The following GRID1 variants were observed in gnomAD, a reference collection of about 807,000 sequenced individuals.
GRID1 encodes glutamate ionotropic receptor delta type subunit 1, also known as glutamate receptor ionotropic, delta-1.
Under a neutral mutation model 98.0 loss-of-function variants are expected in GRID1, and 28 were observed. The observed-to-expected ratio is 0.29, with a 90% CI of 0.21 to 0.39. The LOEUF (loss-of-function observed/expected upper bound fraction) is 0.39, where lower values mean the gene tolerates loss of function less well. Ranked by LOEUF, GRID1 falls within the 10% of genes least tolerant of loss-of-function variation. The pLI is 1.00. For synonymous variants in GRID1, 553 were observed against 538.5 expected (o/e 1.03, Z -0.37); for missense variants, 1,111 against 1,340.5 (o/e 0.83, Z 2.67).
rs3061904 is a variant in GRID1 at position 86,296,784 on chromosome 10, CACATACATACATACATACATACAT to C, written c.235+67133_235+67156del. ...ATACATACATACATGCATACATACA[CACATACATACATACATACATACAT>C]ACATACATACATACATACATACATA... is the stretch of plus-strand genomic sequence containing the variant. On this transcript the variant is annotated intron_variant, in intron 2 of 15. Coordinates refer to ENST00000327946, the MANE Select transcript of GRID1 (RefSeq NM_017551.3). Among the ~76,000 whole-genome samples, 21 of 150,722 alleles carry C rather than the reference CACATACATACATACATACATACAT, an allele frequency of 1.4e-4. 1 individual carries two copies. The highest frequency in any genetic ancestry group is 4.2e-4 in the South Asian group (2 of 4,716).
chr10:86,014,389 C>A (rs1842956294), intron 4 of GRID1, among the ~76,000 whole-genome samples: 1 of 152,204 alleles, frequency 6.6e-6, no homozygotes, highest in Non-Finnish European at 1.5e-5. Flanking sequence ...AGCCACCCAA[C>A]ATAGACTGGA....
chr10:86,086,566 C>T (rs192099716), intron 4 of GRID1, among the ~76,000 whole-genome samples: 2 of 152,200 alleles, frequency 1.3e-5, no homozygotes, highest in African/African-American at 4.8e-5. Flanking sequence ...TTCTGCAGAA[C>T]CCACAGGGGG....
intron 15 of GRID1, among the ~76,000 whole-genome samples, chr10:85,604,531 G>A (rs1842629315): frequency 6.6e-6 from 1 of 152,198 alleles, no homozygotes. Flanking sequence ...CCATCTCTGA[G>A]TTAGGGTCAC....
At chr10:86,142,637 A>G (rs1845026402) in intron 3 of GRID1, among the ~76,000 whole-genome samples, 1 of 152,242 alleles carries the variant, frequency 6.6e-6, no homozygotes, top group African/African-American at 2.4e-5. Context: ...AGGCCACTGC[A>G]AGTCTTTAAA....
chr10:86,282,591 G>A (rs552575468), intron 2 of GRID1, among the ~76,000 whole-genome samples: 3 of 152,168 alleles, frequency 2.0e-5, no homozygotes, highest in Non-Finnish European at 4.4e-5. Context: ...AGTAAAGAGC[G>A]ACCATGAGCA....
At chr10:86,308,581 T>A (rs981176023) in intron 2 of GRID1, among the ~76,000 whole-genome samples, 1 of 152,196 alleles carries the variant, frequency 6.6e-6, no homozygotes, top group Non-Finnish European at 1.5e-5. Flanking sequence ...ATGTATTAGG[T>A]CCAATGGGAA....
At chr10:86,069,395 TC>T (rs1391724204) in intron 4 of GRID1, among the ~76,000 whole-genome samples, 1 of 152,142 alleles carries the variant, frequency 6.6e-6, no homozygotes, top group African/African-American at 2.4e-5. Context: ...ACGCCTGTAA[TC>T]CCAGCACTTT....
chr10:86,067,552 G>A (rs973669581), intron 4 of GRID1, among the ~76,000 whole-genome samples: 5 of 152,188 alleles, frequency 3.3e-5, no homozygotes, highest in African/African-American at 1.2e-4. Context: ...AAAACTCTTG[G>A]GATAAAAGGT....
intron 2 of GRID1, among the ~76,000 whole-genome samples, chr10:86,354,958 C>T (rs186160031): frequency 4.6e-5 from 7 of 152,330 alleles, no homozygotes; most frequent in African/African-American, 7.2e-5. Context: ...ACATCTCCCC[C>T]GCCCTAAGTG....
chr10:86,170,725 A>G (rs1176220858), intron 3 of GRID1, among the ~76,000 whole-genome samples: 1 of 152,226 alleles, frequency 6.6e-6, no homozygotes, highest in African/African-American at 2.4e-5. Context: ...GACAACTGCT[A>G]ACATGTTTGG....
At chr10:85,903,513 C>G (rs2131817059) in intron 5 of GRID1, among the ~76,000 whole-genome samples, 1 of 152,262 alleles carries the variant, frequency 6.6e-6, no homozygotes. Context: ...TATTTCATCC[C>G]TACCCTCCTC....
intron 4 of GRID1, among the ~76,000 whole-genome samples, chr10:86,101,653 G>C (rs1379542178): frequency 7.3e-6 from 1 of 136,966 alleles, no homozygotes; most frequent in Admixed American, 7.4e-5. Context: ...TTTTTTTTGA[G>C]ACAGAGTCTC....
chr10:86,078,451 C>T (rs530133013), intron 4 of GRID1, among the ~76,000 whole-genome samples: 1 of 152,348 alleles, frequency 6.6e-6, no homozygotes, highest in East Asian at 1.9e-4. Flanking sequence ...GGGTGCTCCG[C>T]GGCCTGCAGC....
intron 12 of GRID1, among the ~76,000 whole-genome samples, chr10:85,669,564 G>A (rs1015768348): frequency 5.3e-5 from 8 of 152,070 alleles, no homozygotes; most frequent in Non-Finnish European, 8.8e-5. Flanking sequence ...CCCTGGCTCC[G>A]GACCCATTTT....
intron 12 of GRID1, among the ~76,000 whole-genome samples, chr10:85,707,663 C>T (rs1026792576): frequency 3.9e-5 from 6 of 152,110 alleles, no homozygotes; most frequent in Non-Finnish European, 7.3e-5. Context: ...CACATGCACA[C>T]GTAATTTTAT....
At chr10:85,636,736 G>GA (rs896408905) in intron 13 of GRID1, among the ~76,000 whole-genome samples, 14 of 151,924 alleles carry the variant, frequency 9.2e-5, no homozygotes, top group Admixed American at 6.6e-4. Flanking sequence ...AGGAGTTGAT[G>GA]AAAAAAAATC....
chr10:85,695,352 T>A (rs1444930628), intron 12 of GRID1, among the ~76,000 whole-genome samples: 1 of 152,140 alleles, frequency 6.6e-6, no homozygotes, highest in African/African-American at 2.4e-5. Flanking sequence ...ATCATGGGAG[T>A]TATACAACTT....
chr10:85,898,549 T>C (rs1589291835), intron 5 of GRID1, among the ~76,000 whole-genome samples: 1 of 152,216 alleles, frequency 6.6e-6, no homozygotes, highest in African/African-American at 2.4e-5. Context: ...ATACAAAATA[T>C]TGTTTTCTTT....
chr10:86,340,900 C>G (rs1848301171), intron 2 of GRID1, among the ~76,000 whole-genome samples: 1 of 152,068 alleles, frequency 6.6e-6, no homozygotes, highest in African/African-American at 2.4e-5. Context: ...CTCTCAGGAG[C>G]CTACTCCTGC....
Sources: allele counts gnomAD v4.1 joint callset (sites outside exome capture counted in the v4.1 genomes callset), GRCh38; gene constraint gnomAD v4.1.1; transcripts MANE v1.5; gene names NCBI Gene and HGNC (gene_info 2026-07-23, HGNC 2026-07-21).